Variants in TAOK3 observed in about 807,000 individuals in gnomAD.
TAOK3 encodes the protein TAO kinase 3, also known as serine/threonine-protein kinase TAO3.
Under a neutral mutation model 120.4 loss-of-function variants are expected in TAOK3, and 40 were observed. The observed-to-expected ratio is 0.33, with a 90% confidence interval of 0.26 to 0.43. The LOEUF (loss-of-function observed/expected upper bound fraction) is 0.43, where lower values mean the gene tolerates loss of function less well. Among genes scored for constraint, TAOK3 ranks in the 20% least tolerant of loss-of-function variants. The pLI is 1.00. For missense variants in TAOK3, 821 were observed against 1,112.1 expected, an observed-to-expected ratio of 0.74 and a Z score of 3.72; for synonymous variants, 355 against 387.5, an observed-to-expected ratio of 0.92 and a Z score of 0.99.
intron 1 of TAOK3, among the ~76,000 whole-genome samples, chr12:118,327,467 T>C (rs897943891): frequency 1.7e-4 from 26 of 152,322 alleles, no homozygotes; most frequent in African/African-American, 5.5e-4. Flanking sequence ...GAAAAACATA[T>C]ATTAAGAAAT....
At chr12:118,290,460 G>A (rs1365316050) in intron 1 of TAOK3, among the ~76,000 whole-genome samples, 1 of 152,112 alleles carries the variant, frequency 6.6e-6, no homozygotes, top group Non-Finnish European at 1.5e-5. Flanking sequence ...TTTCCTTTAT[G>A]CTCCTGTAGA....
At chr12:118,261,485 C>G (rs1316834250) in intron 2 of TAOK3, 1 of 152,286 alleles carries the variant, frequency 6.6e-6, no homozygotes, top group South Asian at 2.1e-4. Context: ...GATGTTTACT[C>G]GCAACACTTA....
chr12:118,157,022 G>A (rs1032520913), intron 19 of TAOK3, among the ~76,000 whole-genome samples: 1 of 152,102 alleles, frequency 6.6e-6, no homozygotes, highest in Non-Finnish European at 1.5e-5. Flanking sequence ...TTACAGGCAT[G>A]AGCCACCATG....
intron 19 of TAOK3, among the ~76,000 whole-genome samples, chr12:118,156,059 C>T (rs1025033548): frequency 5.3e-5 from 8 of 152,156 alleles, no homozygotes; most frequent in South Asian, 2.1e-4. Flanking sequence ...ATTCATTGAA[C>T]GCTTGTTGTA....
chr12:118,305,135 G>A (rs1171538075), intron 1 of TAOK3, among the ~76,000 whole-genome samples: 2 of 152,146 alleles, frequency 1.3e-5, no homozygotes, highest in Non-Finnish European at 2.9e-5. Context: ...GATTTAATAA[G>A]ATAGTGTATG....
At chr12:118,216,597 ATT>A (rs1379423712) in intron 9 of TAOK3, among the ~76,000 whole-genome samples, 4 of 152,164 alleles carry the variant, frequency 2.6e-5, no homozygotes, top group African/African-American at 9.7e-5. Flanking sequence ...AGTACAGTTA[ATT>A]TTATGGTATT....
intron 1 of TAOK3, among the ~76,000 whole-genome samples, chr12:118,341,947 C>T (rs909218121): frequency 2.6e-5 from 4 of 152,126 alleles, no homozygotes; most frequent in Non-Finnish European, 5.9e-5. Context: ...GGCTTGAGCC[C>T]AGGAGGTCAA....
chr12:118,314,682 T>A (rs2043384018), intron 1 of TAOK3, among the ~76,000 whole-genome samples: 1 of 152,222 alleles, frequency 6.6e-6, no homozygotes, highest in South Asian at 2.1e-4. Context: ...TTGAGACTCA[T>A]ATGGATGGAC....
At chr12:118,280,253 G>A (rs1417112086) in intron 1 of TAOK3, among the ~76,000 whole-genome samples, 7 of 152,180 alleles carry the variant, frequency 4.6e-5, no homozygotes, top group East Asian at 3.9e-4. Flanking sequence ...TAGAGACAGC[G>A]TTTTGCCACA....
intron 1 of TAOK3, among the ~76,000 whole-genome samples, chr12:118,314,727 G>A (rs771391167): frequency 1.3e-5 from 2 of 152,020 alleles, no homozygotes; most frequent in Non-Finnish European, 2.9e-5. Context: ...AATTAGTTCC[G>A]GAGCTGATAT....
At chr12:118,259,767 T>A (rs907527248) in intron 2 of TAOK3, among the ~76,000 whole-genome samples, 5 of 152,112 alleles carry the variant, frequency 3.3e-5, no homozygotes, top group African/African-American at 4.8e-5. Flanking sequence ...GAGACAAAGA[T>A]GACAGTCCAG....
intron 1 of TAOK3, among the ~76,000 whole-genome samples, chr12:118,331,355 A>G (rs991772826): frequency 6.6e-6 from 1 of 152,114 alleles, no homozygotes; most frequent in Non-Finnish European, 1.5e-5. Context: ...CTCTAAAATG[A>G]GAATAATGGC....
At chr12:118,169,114 A>C (rs1196698023) in intron 17 of TAOK3, among the ~76,000 whole-genome samples, 1 of 152,002 alleles carries the variant, frequency 6.6e-6, no homozygotes, top group African/African-American at 2.4e-5. Flanking sequence ...CCCAGGTTCA[A>C]GTGATTCTCC....
intron 3 of TAOK3, among the ~76,000 whole-genome samples, chr12:118,249,538 G>C (rs1005341339): frequency 4.0e-5 from 6 of 150,496 alleles, no homozygotes; most frequent in Middle Eastern, 3.4e-3. Flanking sequence ...CTACAGCCTA[G>C]GTGACAGAGT....
rs2040422462 is a variant in TAOK3 at position 118,244,884 on chromosome 12, TC to T, written c.192+9del. 1 of 1,593,498 alleles carries T rather than the reference TC, an allele frequency of 6.3e-7. No homozygotes were observed. Among genetic ancestry groups the T allele is most frequent in the East Asian group, 2.2e-5 (1 of 44,644 alleles). On this transcript the variant is annotated intron_variant, in intron 4 of 20. Coordinates refer to ENST00000392533, the MANE Select transcript of TAOK3 (RefSeq NM_016281.4). ...ATTTCAGTTTAGGTATACAACTGTC[TC>T]TATCTCACCTCATGGGTCTGCTTCC...
At chr12:118,295,957 C>T in intron 1 of TAOK3, among the ~76,000 whole-genome samples, 1 of 152,098 alleles carries the variant, frequency 6.6e-6, no homozygotes, top group East Asian at 1.9e-4. Context: ...GTAGCTAATA[C>T]AAAATATTCA....
intron 3 of TAOK3, among the ~76,000 whole-genome samples, chr12:118,248,586 C>T (rs965752826): frequency 1.3e-5 from 2 of 151,706 alleles, no homozygotes; most frequent in African/African-American, 4.8e-5. Context: ...AATATTCAGG[C>T]AATGAGAAAT....
At chr12:118,151,265 CACACACAT>C in intron 20 of TAOK3, 107 bp from the exon 21 acceptor site, 2 of 1,089,188 alleles carry the variant, frequency 1.8e-6, no homozygotes, top group Non-Finnish European at 2.6e-6. Context: ...CACACATAGG[CACACACAT>C]GAAGTGCGCG....
intron 1 of TAOK3, among the ~76,000 whole-genome samples, chr12:118,279,138 T>A (rs756226210): frequency 3.3e-5 from 5 of 152,202 alleles, no homozygotes; most frequent in Non-Finnish European, 5.9e-5. Flanking sequence ...TGATATGGTA[T>A]CTCATTGTGG....
Sources: gnomAD v4.1 joint callset for allele counts (sites outside exome capture counted in the v4.1 genomes callset) on GRCh38, gnomAD v4.1.1 for gene constraint, MANE v1.5 for transcripts, NCBI Gene and HGNC (gene_info 2026-07-23, HGNC 2026-07-21) for gene names.